The following RSRC1 variants were observed in gnomAD, a reference collection of about 807,000 sequenced individuals.
RSRC1 encodes the protein arginine and serine rich coiled-coil 1, also known as serine/Arginine-related protein 53.
A neutral mutation model predicts 49.1 loss-of-function variants in RSRC1; 39 were observed. The observed-to-expected ratio is 0.79, with a 90% CI of 0.61 to 1.04. RSRC1 has a LOEUF of 1.04. RSRC1 is among the 50% of genes least tolerant of loss of function. The probability of loss-of-function intolerance (pLI) is 0.00; values close to 1 mark genes in which losing one functional copy is unlikely to be tolerated. For missense variants in RSRC1, 388 were observed against 402.4 expected (o/e 0.96, Z 0.31); for synonymous variants, 143 against 130.8 (o/e 1.09, Z -0.63).
intron 4 of RSRC1, among the ~76,000 whole-genome samples, chr3:158,259,506 G>T (rs558257014): frequency 1.3e-5 from 2 of 152,254 alleles, no homozygotes; most frequent in East Asian, 3.9e-4. Context: ...CCATTACAGG[G>T]ACTGTGCTTG....
chr3:158,431,553 A>G (rs577331845), intron 6 of RSRC1, among the ~76,000 whole-genome samples: 69 of 152,078 alleles, frequency 4.5e-4, no homozygotes, highest in African/African-American at 1.6e-3. Context: ...TACTAAAAAA[A>G]GTGGTGGCAA....
chr3:158,381,741 T>A (rs1732709725), intron 6 of RSRC1, among the ~76,000 whole-genome samples: 1 of 152,086 alleles, frequency 6.6e-6, no homozygotes, highest in Non-Finnish European at 1.5e-5. Context: ...TAAACATATC[T>A]AAACATAGAA....
At chr3:158,466,634 G>A (rs1361158184) in intron 7 of RSRC1, among the ~76,000 whole-genome samples, 1 of 152,186 alleles carries the variant, frequency 6.6e-6, no homozygotes, top group Non-Finnish European at 1.5e-5. Context: ...AACAGAATGA[G>A]GTTCAGAATC....
chr3:158,432,829 A>T (rs959555008), intron 6 of RSRC1, among the ~76,000 whole-genome samples: 3 of 151,928 alleles, frequency 2.0e-5, no homozygotes, highest in African/African-American at 7.2e-5. Flanking sequence ...CCTTCATCTT[A>T]TGAATAAAAT....
chr3:158,170,846 A>C (rs749280841), intron 3 of RSRC1, among the ~76,000 whole-genome samples: 4 of 152,060 alleles, frequency 2.6e-5, no homozygotes, highest in African/African-American at 4.8e-5. Flanking sequence ...GGCAGCCCCA[A>C]ATATGGAATG....
At chr3:158,478,537 T>A (rs190255913) in intron 7 of RSRC1, among the ~76,000 whole-genome samples, 17 of 138,370 alleles carry the variant, frequency 1.2e-4, no homozygotes, top group African/African-American at 4.1e-4. Context: ...TAAGTTATAG[T>A]TTTGTTTCAA....
chr3:158,123,974 A>C lies in RSRC1; in HGVS notation c.303A>C (p.Ser101=). 1 of 1,600,200 alleles carries C rather than the reference A, an allele frequency of 6.2e-7. No individual in the cohort carries two copies. Among genetic ancestry groups the C allele is most frequent in the African/African-American group, 1.3e-5 (1 of 74,500 alleles). Residue 101 remains serine, a synonymous_variant, in exon 3 of 10, where the codon TCA becomes TCC. Transcript: ENST00000611884. ...CCTATAGAGTTCAGAGGTCTAGGTC[A>C]AAAAGCAGAACAAGAAGGTATGCCT... The part of the protein sequence containing the change: ...GKSYRVQRSR[S]KSRTRRSRSR...
chr3:158,321,951 T>C (rs560052248), intron 5 of RSRC1, among the ~76,000 whole-genome samples: 1 of 147,832 alleles, frequency 6.8e-6, no homozygotes, highest in Admixed American at 6.9e-5. Context: ...TTAAAGAAAT[T>C]AAGAGAAGAA....
Position 158,169,951 on chromosome 3 carries a change from C to T in RSRC1, c.321-33121C>T, listed in dbSNP as rs943945445. ...GTAATGCTTAAGGATATATAGTATA[C>T]GTATTTCTTTTTTAGTTTAAAATCA... On this transcript the variant is annotated intron_variant, in intron 3 of 9. Transcript: ENST00000611884. 5.3e-5 allele frequency among the ~76,000 whole-genome samples: 8 copies of T among 152,154 alleles called. 1 individual carries two copies. Among genetic ancestry groups the T allele is most frequent in the East Asian group, 1.9e-4 (1 of 5,184 alleles).
At chr3:158,195,437 A>G (rs773692826) in intron 3 of RSRC1, among the ~76,000 whole-genome samples, 1 of 150,732 alleles carries the variant, frequency 6.6e-6, no homozygotes, top group East Asian at 2.0e-4. Context: ...ATTTTCTCCC[A>G]TTCTGTAGGT....
intron 7 of RSRC1, among the ~76,000 whole-genome samples, chr3:158,518,127 T>TGC (rs1740688509): frequency 4.3e-5 from 2 of 46,866 alleles, no homozygotes; most frequent in East Asian, 4.1e-4. Context: ...TGTGTGTGTG[T>TGC]ATATATATAT....
intron 3 of RSRC1, among the ~76,000 whole-genome samples, chr3:158,147,129 T>G (rs908571313): frequency 6.0e-5 from 8 of 133,954 alleles, no homozygotes; most frequent in African/African-American, 2.2e-4. Flanking sequence ...TTTTTTTTTT[T>G]GCTGATGTAT....
chr3:158,118,065 T>G (rs1714961917), intron 1 of RSRC1, among the ~76,000 whole-genome samples: 1 of 152,136 alleles, frequency 6.6e-6, no homozygotes, highest in South Asian at 2.1e-4. Context: ...TCCTCCTGCC[T>G]CAGTCTCCTG....
chr3:158,243,606 A>G (rs1459856516), intron 4 of RSRC1, among the ~76,000 whole-genome samples: 3 of 152,184 alleles, frequency 2.0e-5, no homozygotes, highest in Non-Finnish European at 2.9e-5. Context: ...TTTGATAGCA[A>G]TAGCACTGAA....
chr3:158,254,057 T>A (rs1724387105), intron 4 of RSRC1, among the ~76,000 whole-genome samples: 1 of 152,124 alleles, frequency 6.6e-6, no homozygotes, highest in Admixed American at 6.6e-5. Context: ...AAAATGATGG[T>A]TTCCAGCTTC....
At chr3:158,223,759 C>T (rs761376719) in intron 4 of RSRC1, among the ~76,000 whole-genome samples, 3 of 151,646 alleles carry the variant, frequency 2.0e-5, no homozygotes, top group Non-Finnish European at 2.9e-5. Context: ...CAGGCTCATG[C>T]ACTCCAGTTT....
intron 7 of RSRC1, among the ~76,000 whole-genome samples, chr3:158,528,399 C>T (rs1005117600): frequency 5.9e-5 from 9 of 151,772 alleles, no homozygotes; most frequent in Non-Finnish European, 1.0e-4. Flanking sequence ...AAATCTCCTG[C>T]GAGACAAGGG....
chr3:158,247,152 C>G (rs1229062395), intron 4 of RSRC1, among the ~76,000 whole-genome samples: 2 of 152,046 alleles, frequency 1.3e-5, no homozygotes, highest in Non-Finnish European at 2.9e-5. Context: ...AGATTTCTTT[C>G]CTCCACTTGG....
intron 7 of RSRC1, among the ~76,000 whole-genome samples, chr3:158,468,658 C>A (rs1249877876): frequency 2.0e-5 from 3 of 152,090 alleles, no homozygotes; most frequent in African/African-American, 7.2e-5. Context: ...TAATGCCTGA[C>A]AGGTATTAGG....
Sources: allele counts gnomAD v4.1 joint callset (sites outside exome capture counted in the v4.1 genomes callset), GRCh38; gene constraint gnomAD v4.1.1; transcripts MANE v1.5; gene names NCBI Gene and HGNC (gene_info 2026-07-23, HGNC 2026-07-21).